The following RNF185 variants were observed in gnomAD, a reference collection of about 807,000 sequenced individuals.
RNF185 encodes the protein E3 ubiquitin-protein ligase RNF185.
RNF185 carries 13 observed loss-of-function variants against 24.9 expected under a neutral mutation model. The observed-to-expected ratio is 0.52, with a 90% CI of 0.34 to 0.83. The LOEUF is 0.83. Ranked by LOEUF, RNF185 falls within the 40% of genes least tolerant of loss-of-function variation. The pLI, the probability that RNF185 is intolerant of heterozygous loss-of-function variation, is 0.01. For synonymous variants in RNF185, 79 were observed against 90.3 expected, an observed-to-expected ratio of 0.88 and a Z score of 0.71; for missense variants, 184 against 244.7, an observed-to-expected ratio of 0.75 and a Z score of 1.65.
At chr22:31,184,414 C>A (rs1402453295) in intron 1 of RNF185, among the ~76,000 whole-genome samples, 1 of 151,438 alleles carries the variant, frequency 6.6e-6, no homozygotes, top group Admixed American at 6.6e-5. Context: ...CGGGGAGAGG[C>A]GCTCCTCACT....
At chr22:31,171,090 T>C (rs933977033) in intron 1 of RNF185, among the ~76,000 whole-genome samples, 1 of 152,128 alleles carries the variant, frequency 6.6e-6, no homozygotes, top group Non-Finnish European at 1.5e-5. Flanking sequence ...TTTTGTTTTT[T>C]AATAGTTACA....
intron 3 of RNF185, among the ~76,000 whole-genome samples, chr22:31,194,465 C>T (rs1217432019): frequency 6.6e-6 from 1 of 152,064 alleles, no homozygotes; most frequent in Admixed American, 6.5e-5. Flanking sequence ...CGCGGTGGCT[C>T]ATGCCTGTGA....
At chr22:31,196,118 T>C (rs193031477) in intron 4 of RNF185, among the ~76,000 whole-genome samples, 10 of 152,332 alleles carry the variant, frequency 6.6e-5, no homozygotes, top group African/African-American at 2.4e-4. Flanking sequence ...TAAAGGGACT[T>C]GCTCTTTCAC....
At position 31,188,848 on chromosome 22, in the gene RNF185, C is replaced by T. The variant is rs371023554; in HGVS notation, c.176+1578C>T. On this transcript the variant is annotated intron_variant, in intron 2 of 6. Transcript: ENST00000326132. ...ATATATATATATTCTGGGCTGGGCG[C>T]GGTGGCTCACGCCTGTAATCCCAGC... 4.6e-5 allele frequency among the ~76,000 whole-genome samples: 7 copies of T among 150,902 alleles called. No individual in the cohort carries two copies. In the South Asian group the frequency reaches 8.4e-4, roughly 18 times the overall value.
rs558344249 is a variant in RNF185 at position 31,195,118 on chromosome 22, A to G, written c.196-351A>G. 3.3e-5 allele frequency among the ~76,000 whole-genome samples: 5 copies of G among 151,772 alleles called. No individual in the cohort carries two copies. The East Asian group carries it at 9.8e-4, about 30-fold the overall frequency. ...CAGGCATGCGCCACCATGTCTGGCT[A>G]ATTTTTGTATTTTTAGTAGAGACGG... On this transcript the variant is annotated intron_variant, in intron 3 of 6. Transcript: ENST00000326132.
At chr22:31,164,111 A>G (rs992678028) in intron 1 of RNF185, among the ~76,000 whole-genome samples, 1 of 151,736 alleles carries the variant, frequency 6.6e-6, no homozygotes, top group South Asian at 2.1e-4. Flanking sequence ...CCTCCCAAGT[A>G]GCTGGGATTA....
chr22:31,167,576 A>G (rs1924005408), intron 1 of RNF185, among the ~76,000 whole-genome samples: 1 of 140,904 alleles, frequency 7.1e-6, no homozygotes, highest in Non-Finnish European at 1.5e-5. Flanking sequence ...CACACAATGT[A>G]TGACCTTTTA....
intron 1 of RNF185, among the ~76,000 whole-genome samples, chr22:31,174,193 C>A (rs756934467): frequency 6.6e-6 from 1 of 152,178 alleles, no homozygotes; most frequent in African/African-American, 2.4e-5. Flanking sequence ...AAGAAAATAA[C>A]TTGTCTGAAA....
intron 3 of RNF185, among the ~76,000 whole-genome samples, chr22:31,194,913 C>T (rs2048828035): frequency 6.6e-6 from 1 of 151,984 alleles, no homozygotes; most frequent in Non-Finnish European, 1.5e-5. Flanking sequence ...GCTAGGAGGC[C>T]CTAGAGAGAA....
At chr22:31,189,553 T>G (rs1427952020) in intron 2 of RNF185, among the ~76,000 whole-genome samples, 1 of 151,480 alleles carries the variant, frequency 6.6e-6, no homozygotes, top group Non-Finnish European at 1.5e-5. Flanking sequence ...CACCCCGACC[T>G]CCCAAAGTGC....
chr22:31,204,228 A>G (rs1429298188), intron 6 of RNF185, among the ~76,000 whole-genome samples: 1 of 151,608 alleles, frequency 6.6e-6, no homozygotes, highest in East Asian at 1.9e-4. Context: ...CTGTAATCCC[A>G]GCTACTTAGG....
chr22:31,190,323 G>C lies in RNF185; in HGVS notation c.177-2361G>C, dbSNP rs151324318. ...TTGTTTTTTTGAGGAGTCTCACTCT[G>C]TTGCCCAGGCTGGAGTGCAGTGGCG... On this transcript the variant is annotated intron_variant, in intron 2 of 6. Transcript: ENST00000326132. 1.1e-3 allele frequency among the ~76,000 whole-genome samples: 170 copies of C among 152,094 alleles called. 1 individual carries two copies. Among genetic ancestry groups the C allele is most frequent in the African/African-American group, 3.9e-3 (163 of 41,488 alleles).
intron 1 of RNF185, among the ~76,000 whole-genome samples, chr22:31,177,852 A>C (rs1326801866): frequency 6.6e-6 from 1 of 152,236 alleles, no homozygotes; most frequent in Non-Finnish European, 1.5e-5. Flanking sequence ...GAATTCCTAC[A>C]GTTCTCTAGA....
intron 1 of RNF185, among the ~76,000 whole-genome samples, chr22:31,169,126 G>A (rs1480359936): frequency 1.3e-5 from 2 of 152,094 alleles, no homozygotes; most frequent in African/African-American, 4.8e-5. Flanking sequence ...GCCCAAGTTG[G>A]TCTCAAACTT....
intron 2 of RNF185, 131 bp from the exon 3 acceptor site, chr22:31,192,553 A>T (rs2048165427): frequency 2.6e-6 from 2 of 771,064 alleles, no homozygotes; most frequent in African/African-American, 3.4e-5. Flanking sequence ...AGTGCTCCAT[A>T]GTTTACTCCT....
At chr22:31,171,377 C>T (rs1323056924) in intron 1 of RNF185, among the ~76,000 whole-genome samples, 1 of 149,430 alleles carries the variant, frequency 6.7e-6, no homozygotes, top group Non-Finnish European at 1.5e-5. Flanking sequence ...GACAGGGTTT[C>T]ACTATGTTGG....
intron 4 of RNF185, among the ~76,000 whole-genome samples, chr22:31,196,321 A>G (rs1296600867): frequency 1.3e-5 from 2 of 152,196 alleles, no homozygotes; most frequent in Non-Finnish European, 2.9e-5. Flanking sequence ...CCACAGTGTC[A>G]TATGACTGGC....
chr22:31,170,183 T>C (rs1349297712), intron 1 of RNF185, among the ~76,000 whole-genome samples: 1 of 149,532 alleles, frequency 6.7e-6, no homozygotes, highest in African/African-American at 2.4e-5. Flanking sequence ...TGGTTTTTTG[T>C]TTTTTTTTTT....
chr22:31,183,463 G>A (rs1257343273), intron 1 of RNF185, among the ~76,000 whole-genome samples: 1 of 151,982 alleles, frequency 6.6e-6, no homozygotes, highest in African/African-American at 2.4e-5. Flanking sequence ...TAGGACAATA[G>A]TGGAGGGAAG....
Sources: allele counts gnomAD v4.1 joint callset (sites outside exome capture counted in the v4.1 genomes callset), GRCh38; gene constraint gnomAD v4.1.1; transcripts MANE v1.5; gene names NCBI Gene and HGNC (gene_info 2026-07-23, HGNC 2026-07-21).